CACNA2D3: variants seen among roughly 807,000 people sequenced by gnomAD.
CACNA2D3 encodes calcium voltage-gated channel auxiliary subunit alpha2delta 3.
Under a neutral mutation model 160.6 loss-of-function variants are expected in CACNA2D3, and 60 were observed. The ratio of observed to expected loss-of-function variants is 0.37; its 90% CI spans 0.30 to 0.46. CACNA2D3 has a LOEUF of 0.46. Ranked by LOEUF, CACNA2D3 falls within the 20% of genes least tolerant of loss-of-function variation. CACNA2D3 has a pLI of 1.00. For synonymous variants in CACNA2D3, 558 were observed against 492.9 expected, an observed-to-expected ratio of 1.13 and a Z score of -1.75; for missense variants, 1,205 against 1,365.0, an observed-to-expected ratio of 0.88 and a Z score of 1.85.
At chr3:54,290,810 T>G (rs943442332) in intron 2 of CACNA2D3, among the ~76,000 whole-genome samples, 2 of 149,108 alleles carry the variant, frequency 1.3e-5, no homozygotes, top group African/African-American at 5.0e-5. Context: ...ATCGCAAGGA[T>G]AAAAAACCAA....
intron 3 of CACNA2D3, among the ~76,000 whole-genome samples, chr3:54,380,613 C>T (rs568499880): frequency 7.6e-4 from 115 of 152,258 alleles, no homozygotes; most frequent in African/African-American, 2.7e-3. Context: ...TAGCGGGCAC[C>T]TGTAGTCCCA....
chr3:54,336,240 C>T (rs1038790565), intron 3 of CACNA2D3, among the ~76,000 whole-genome samples: 7 of 152,226 alleles, frequency 4.6e-5, no homozygotes, highest in South Asian at 4.1e-4. Flanking sequence ...GTCCCTGACA[C>T]GGACAAGGAG....
intron 2 of CACNA2D3, among the ~76,000 whole-genome samples, chr3:54,286,721 C>T (rs758383774): frequency 4.0e-5 from 6 of 151,358 alleles, no homozygotes; most frequent in African/African-American, 9.8e-5. Context: ...TCAGACTAAC[C>T]GGATCTCTCG....
At chr3:54,519,135 G>T (rs1363083466) in intron 5 of CACNA2D3, among the ~76,000 whole-genome samples, 1 of 152,284 alleles carries the variant, frequency 6.6e-6, no homozygotes, top group African/African-American at 2.4e-5. Context: ...CCTTTGGGGA[G>T]ACATGAAATG....
At chr3:54,196,241 TA>T (rs1409411141) in intron 2 of CACNA2D3, among the ~76,000 whole-genome samples, 2 of 152,252 alleles carry the variant, frequency 1.3e-5, no homozygotes, top group Non-Finnish European at 1.5e-5. Flanking sequence ...CTATTGATTT[TA>T]AAAAATATTA....
At chr3:54,643,810 T>G (rs1699577342) in intron 11 of CACNA2D3, among the ~76,000 whole-genome samples, 1 of 152,204 alleles carries the variant, frequency 6.6e-6, no homozygotes, top group African/African-American at 2.4e-5. Context: ...GCTGAGTGAC[T>G]GAGGGTGCTA....
chr3:54,489,791 C>G (rs1701078324), intron 4 of CACNA2D3, among the ~76,000 whole-genome samples: 1 of 152,126 alleles, frequency 6.6e-6, no homozygotes. Context: ...TTTTCTCAGG[C>G]TGGAGATTCC....
At chr3:54,283,623 CAGAA>C (rs1702934761) in intron 2 of CACNA2D3, among the ~76,000 whole-genome samples, 1 of 152,142 alleles carries the variant, frequency 6.6e-6, no homozygotes, top group South Asian at 2.1e-4. Flanking sequence ...TTGGTGAGGT[CAGAA>C]AGCAAGTGCA....
intron 5 of CACNA2D3, among the ~76,000 whole-genome samples, chr3:54,540,117 G>A (rs1413733102): frequency 1.3e-5 from 2 of 152,120 alleles, no homozygotes; most frequent in African/African-American, 4.8e-5. Flanking sequence ...AGTGGTGGCC[G>A]GGCTATTGAA....
intron 2 of CACNA2D3, among the ~76,000 whole-genome samples, chr3:54,154,110 A>G (rs1388641183): frequency 6.6e-6 from 1 of 152,238 alleles, no homozygotes; most frequent in African/African-American, 2.4e-5. Flanking sequence ...ATAAGTGGAC[A>G]AAATGACTCT....
At chr3:54,562,453 A>C (rs1702341284) in intron 5 of CACNA2D3, among the ~76,000 whole-genome samples, 1 of 152,172 alleles carries the variant, frequency 6.6e-6, no homozygotes, top group Non-Finnish European at 1.5e-5. Context: ...TAGGGGGAAA[A>C]GCAGGAAAAT....
intron 24 of CACNA2D3, among the ~76,000 whole-genome samples, chr3:54,890,919 A>G (rs988566137): frequency 2.0e-5 from 3 of 152,212 alleles, no homozygotes; most frequent in African/African-American, 7.2e-5. Flanking sequence ...TTAATGGCAG[A>G]TTCCACAAAT....
chr3:55,071,213 T>C (rs1307860270), intron 35 of CACNA2D3, among the ~76,000 whole-genome samples: 1 of 152,146 alleles, frequency 6.6e-6, no homozygotes, highest in Non-Finnish European at 1.5e-5. Context: ...TATTTTCCCC[T>C]TCTCCTGTGT....
chr3:54,129,980 G>T (rs1457577381), intron 2 of CACNA2D3, among the ~76,000 whole-genome samples: 1 of 152,206 alleles, frequency 6.6e-6, no homozygotes, highest in African/African-American at 2.4e-5. Flanking sequence ...ACAGAACTGA[G>T]TCACGCCAGT....
intron 16 of CACNA2D3, among the ~76,000 whole-genome samples, chr3:54,841,832 G>C (rs1344257938): frequency 6.6e-6 from 1 of 152,176 alleles, no homozygotes; most frequent in Non-Finnish European, 1.5e-5. Context: ...CAGTTGGAAG[G>C]GAAGTGCCTC....
In CACNA2D3 at chr3:54,402,992, A is replaced by G. The variant is rs541804814; in HGVS notation, c.381+16218A>G. On this transcript the variant is annotated intron_variant, in intron 4 of 37. Transcript: ENST00000474759. ...AATAGGAAGATTTTTGGAAAAGTCA[A>G]TAATATGTGGAAATTAAACAACATG... Among the ~76,000 whole-genome samples, 21 of 152,298 alleles carry G rather than the reference A, an allele frequency of 1.4e-4. 1 individual carries two copies. The highest frequency in any genetic ancestry group is 3.4e-3 in the Middle Eastern group (1 of 294).
intron 3 of CACNA2D3, among the ~76,000 whole-genome samples, chr3:54,374,048 G>C (rs1373085095): frequency 6.6e-6 from 1 of 152,142 alleles, no homozygotes; most frequent in African/African-American, 2.4e-5. Flanking sequence ...AAACCCTTTA[G>C]GTTTTATTTT....
chr3:54,716,829 TAATA>T (rs1465396075), intron 11 of CACNA2D3, among the ~76,000 whole-genome samples: 1 of 152,136 alleles, frequency 6.6e-6, no homozygotes, highest in Non-Finnish European at 1.5e-5. Context: ...TCACATAGCA[TAATA>T]AATTATTTTT....
intron 35 of CACNA2D3, among the ~76,000 whole-genome samples, chr3:55,056,478 C>G (rs1704364327): frequency 6.6e-6 from 1 of 152,142 alleles, no homozygotes; most frequent in African/African-American, 2.4e-5. Flanking sequence ...GATTTGAAAT[C>G]AATTTTTTAA....
Sources: gnomAD v4.1 joint callset for allele counts (sites outside exome capture counted in the v4.1 genomes callset) on GRCh38, gnomAD v4.1.1 for gene constraint, MANE v1.5 for transcripts, NCBI Gene and HGNC (gene_info 2026-07-23, HGNC 2026-07-21) for gene names.